CYYR1: variants seen among roughly 807,000 people sequenced by gnomAD.
CYYR1 encodes cysteine and tyrosine-rich protein 1.
A neutral mutation model predicts 15.2 loss-of-function variants in CYYR1; 14 were observed. That is an observed-to-expected ratio of 0.92 (90% confidence interval 0.61 to 1.44). The LOEUF (loss-of-function observed/expected upper bound fraction) is 1.44, where lower values mean the gene tolerates loss of function less well. Ranked by LOEUF, CYYR1 falls within the 40% of genes most tolerant of loss-of-function variation. The pLI, the probability that CYYR1 is intolerant of heterozygous loss-of-function variation, is 0.00. For synonymous variants in CYYR1, 80 were observed against 77.4 expected (o/e 1.03, Z -0.18); for missense variants, 228 against 209.5 (o/e 1.09, Z -0.54).
intron 2 of CYYR1, among the ~76,000 whole-genome samples, chr21:26,500,297 C>T (rs1291266591): frequency 6.6e-6 from 1 of 152,120 alleles, no homozygotes; most frequent in Non-Finnish European, 1.5e-5. Flanking sequence ...AACATTCAGT[C>T]CATAACAGGC....
intron 2 of CYYR1, among the ~76,000 whole-genome samples, chr21:26,539,816 T>A (rs1377135611): frequency 6.6e-6 from 1 of 152,168 alleles, no homozygotes; most frequent in African/African-American, 2.4e-5. Context: ...TTGTGAACAC[T>A]CAGGAGGAAG....
At chr21:26,492,898 G>A (rs2065347334) in intron 2 of CYYR1, among the ~76,000 whole-genome samples, 1 of 152,100 alleles carries the variant, frequency 6.6e-6, no homozygotes, top group East Asian at 1.9e-4. Flanking sequence ...TGAGATCAGA[G>A]AGGACGGCAT....
chr21:26,497,582 T>C (rs907650148), intron 2 of CYYR1, among the ~76,000 whole-genome samples: 16 of 152,304 alleles, frequency 1.1e-4, no homozygotes, highest in African/African-American at 3.8e-4. Context: ...CTAAGGGAAG[T>C]TCCAGTAGCA....
At chr21:26,514,665 A>G (rs1487554567) in intron 2 of CYYR1, among the ~76,000 whole-genome samples, 1 of 152,264 alleles carries the variant, frequency 6.6e-6, no homozygotes, top group Non-Finnish European at 1.5e-5. Flanking sequence ...AGGAAGAGAA[A>G]GAGTGTATAA....
chr21:26,533,419 G>A (rs2123614599), intron 2 of CYYR1, among the ~76,000 whole-genome samples: 1 of 152,170 alleles, frequency 6.6e-6, no homozygotes, highest in East Asian at 1.9e-4. Flanking sequence ...TGTGGTATAA[G>A]TTCTGGAGCT....
At chr21:26,531,111 T>C (rs2065924781) in intron 2 of CYYR1, among the ~76,000 whole-genome samples, 1 of 152,130 alleles carries the variant, frequency 6.6e-6, no homozygotes, top group Non-Finnish European at 1.5e-5. Flanking sequence ...GCATCCTCCT[T>C]GTTTTCAAGG....
At chr21:26,497,204 C>T (rs1166079396) in intron 2 of CYYR1, among the ~76,000 whole-genome samples, 1 of 152,066 alleles carries the variant, frequency 6.6e-6, no homozygotes, top group Non-Finnish European at 1.5e-5. Flanking sequence ...GGGCCCTTTC[C>T]TACTAATGTA....
intron 3 of CYYR1, among the ~76,000 whole-genome samples, chr21:26,479,337 A>G (rs2123395335): frequency 6.6e-6 from 1 of 152,174 alleles, no homozygotes; most frequent in African/African-American, 2.4e-5. Flanking sequence ...GGAAGGACAG[A>G]ACAGGGAATT....
intron 1 of CYYR1, chr21:26,569,090 T>A (rs1980843874): frequency 6.6e-6 from 1 of 152,134 alleles, no homozygotes; most frequent in South Asian, 2.1e-4. Flanking sequence ...GGGGTATCTA[T>A]CTAAAGGGAA....
intron 2 of CYYR1, among the ~76,000 whole-genome samples, chr21:26,556,177 A>T (rs1215760019): frequency 6.6e-6 from 1 of 152,198 alleles, no homozygotes; most frequent in Non-Finnish European, 1.5e-5. Context: ...ACTATTTGAA[A>T]CCAATAACAC....
chr21:26,570,819 T>C (rs537775764), intron 1 of CYYR1, among the ~76,000 whole-genome samples: 1 of 152,280 alleles, frequency 6.6e-6, no homozygotes, highest in South Asian at 2.1e-4. Context: ...GAAATATCCT[T>C]TGTTGCATGT....
chr21:26,497,931 G>A (rs1257127708), intron 2 of CYYR1, among the ~76,000 whole-genome samples: 1 of 152,102 alleles, frequency 6.6e-6, no homozygotes, highest in Non-Finnish European at 1.5e-5. Context: ...TTGAATTAAA[G>A]TTTGAACTGT....
At chr21:26,546,586 A>G (rs1429014780) in intron 2 of CYYR1, among the ~76,000 whole-genome samples, 1 of 152,176 alleles carries the variant, frequency 6.6e-6, no homozygotes, top group Admixed American at 6.5e-5. Flanking sequence ...ACTTCCCCCA[A>G]CTGGAACCCC....
intron 2 of CYYR1, among the ~76,000 whole-genome samples, chr21:26,535,520 A>G (rs2065983895): frequency 6.6e-6 from 1 of 152,206 alleles, no homozygotes; most frequent in Non-Finnish European, 1.5e-5. Flanking sequence ...TGCTCCTTCT[A>G]TTCGTTTGAA....
At position 26,466,262 on chromosome 21, in the gene CYYR1, T is replaced by C. The variant is rs1376768496; in HGVS notation, c.*2239A>G. 3.3e-5 allele frequency: 5 copies of C among 152,222 alleles called. No individual in the cohort carries two copies. The highest frequency in any genetic ancestry group is 4.8e-5 in the African/African-American group (2 of 41,472). 9.4% of individuals were successfully genotyped at this position (152,222 alleles called of 1,614,324 possible). On this transcript the variant is annotated 3_prime_UTR_variant, in exon 4 of 4. Coordinates refer to ENST00000652641, the MANE Select transcript of CYYR1 (RefSeq NM_001320768.2). ...ACTTTATTGCTTATTGTAAACACTTTGGCCATAGCAAATGTTAGTTTTTAA... is the reference window on the plus strand; with the variant it reads ...ACTTTATTGCTTATTGTAAACACTTCGGCCATAGCAAATGTTAGTTTTTAA...
chr21:26,535,725 G>A (rs953839672), intron 2 of CYYR1, among the ~76,000 whole-genome samples: 1 of 152,098 alleles, frequency 6.6e-6, no homozygotes, highest in African/African-American at 2.4e-5. Context: ...CAGTGAGTCG[G>A]TGGCCACTCT....
chr21:26,475,993 A>T (rs962102564), intron 3 of CYYR1, among the ~76,000 whole-genome samples: 1 of 152,122 alleles, frequency 6.6e-6, no homozygotes, highest in African/African-American at 2.4e-5. Flanking sequence ...CAAACACAGA[A>T]GTTTTCTTTA....
At chr21:26,512,552 G>C (rs2065663765) in intron 2 of CYYR1, among the ~76,000 whole-genome samples, 1 of 152,060 alleles carries the variant, frequency 6.6e-6, no homozygotes, top group African/African-American at 2.4e-5. Context: ...GCCAGATCTG[G>C]TCTGCTGCCT....
At chr21:26,568,306 A>G (rs1444536875) in intron 1 of CYYR1, 1 of 152,166 alleles carries the variant, frequency 6.6e-6, no homozygotes, top group Non-Finnish European at 1.5e-5. Flanking sequence ...AAGCCATTCA[A>G]TGTACGCCTA....
Sources: gnomAD v4.1 joint callset for allele counts (sites outside exome capture counted in the v4.1 genomes callset) on GRCh38, gnomAD v4.1.1 for gene constraint, MANE v1.5 for transcripts, NCBI Gene and HGNC (gene_info 2026-07-23, HGNC 2026-07-21) for gene names.